MAP7: variants seen among roughly 807,000 people sequenced by gnomAD.
MAP7 encodes the protein microtubule associated protein 7.
A neutral mutation model predicts 94.8 loss-of-function variants in MAP7; 52 were observed. The observed-to-expected ratio is 0.55, with a 90% CI of 0.44 to 0.69. MAP7 has a LOEUF of 0.69. MAP7 is among the 30% of genes least tolerant of loss of function. The pLI, the probability that MAP7 is intolerant of heterozygous loss-of-function variation, is 0.00. For synonymous variants in MAP7, 350 were observed against 357.0 expected (o/e 0.98, Z 0.22); for missense variants, 940 against 964.6 (o/e 0.97, Z 0.34).
At chr6:136,413,349 CCT>C (rs564181620) in intron 2 of MAP7, among the ~76,000 whole-genome samples, 419 of 151,934 alleles carry the variant, frequency 2.8e-3, no homozygotes, top group Non-Finnish European at 5.2e-3. Flanking sequence ...ATGGCAAAAC[CCT>C]GTCTCTACTA....
intron 1 of MAP7, among the ~76,000 whole-genome samples, chr6:136,495,485 T>A (rs1026043452): frequency 6.8e-6 from 1 of 147,816 alleles, no homozygotes; most frequent in Admixed American, 6.9e-5. Flanking sequence ...CACACACACA[T>A]AAACACACAC....
intron 3 of MAP7, among the ~76,000 whole-genome samples, chr6:136,396,991 A>T (rs549105904): frequency 2.6e-5 from 4 of 152,294 alleles, no homozygotes; most frequent in African/African-American, 7.2e-5. Flanking sequence ...TACCCCAAAT[A>T]ATCTTTTAAA....
At chr6:136,386,907 C>A (rs1395295972) in intron 5 of MAP7, among the ~76,000 whole-genome samples, 3 of 152,134 alleles carry the variant, frequency 2.0e-5, no homozygotes, top group Non-Finnish European at 4.4e-5. Flanking sequence ...AATTCCTGGC[C>A]TCAAGTGATC....
At chr6:136,536,501 T>C (rs1412650754) in intron 1 of MAP7, among the ~76,000 whole-genome samples, 1 of 152,180 alleles carries the variant, frequency 6.6e-6, no homozygotes, top group Non-Finnish European at 1.5e-5. Flanking sequence ...CAAATGACCA[T>C]TTTGCCTTTT....
At chr6:136,437,219 A>G (rs1796614092) in intron 1 of MAP7, among the ~76,000 whole-genome samples, 1 of 152,176 alleles carries the variant, frequency 6.6e-6, no homozygotes. Context: ...TCACTCCTTT[A>G]TTTTGTATCC....
chr6:136,434,565 A>AT (rs955430962), intron 1 of MAP7, among the ~76,000 whole-genome samples: 6 of 150,966 alleles, frequency 4.0e-5, no homozygotes, highest in Admixed American at 1.3e-4. Flanking sequence ...TGTTCCTTTT[A>AT]TTTTTTTAAA....
At chr6:136,418,153 C>G (rs2095365257) in intron 2 of MAP7, among the ~76,000 whole-genome samples, 1 of 152,214 alleles carries the variant, frequency 6.6e-6, no homozygotes, top group Non-Finnish European at 1.5e-5. Flanking sequence ...CAGGATAACA[C>G]AGAACATAGT....
intron 17 of MAP7, 64 bp from the exon 18 acceptor site, chr6:136,344,302 A>C (rs1468163845): frequency 3.9e-6 from 3 of 777,156 alleles, no homozygotes; most frequent in Non-Finnish European, 5.6e-6. Context: ...TTATTTCAAG[A>C]ATACCATAGT....
chr6:136,455,683 A>G lies in MAP7; in HGVS notation c.68-33884T>C, dbSNP rs896437145. 2.0e-5 allele frequency among the ~76,000 whole-genome samples: 3 copies of G among 152,202 alleles called. No individual in the cohort carries two copies. In the South Asian group the frequency reaches 6.2e-4, roughly 32 times the overall value. Reference sequence around the variant, plus strand: ...TTCACAAATATGTGGAAATTAAACAATATACTCTTAACCAATGAATGGGTC... The same window carrying G: ...TTCACAAATATGTGGAAATTAAACAGTATACTCTTAACCAATGAATGGGTC... On this transcript the variant is annotated intron_variant, in intron 1 of 17. Coordinates refer to ENST00000354570, the MANE Select transcript of MAP7 (RefSeq NM_003980.6).
Position 136,484,064 on chromosome 6 carries a change from C to T in MAP7, c.68-62265G>A, listed in dbSNP as rs1453136603. On this transcript the variant is annotated intron_variant, in intron 1 of 17. Coordinates refer to ENST00000354570, the MANE Select transcript of MAP7 (RefSeq NM_003980.6). ...GCTGAGCTGGGGGAATTTCTGGGAG[C>T]AATTTCTTGAGACCACGCATCAGTT... 2.0e-5 allele frequency among the ~76,000 whole-genome samples: 3 copies of T among 152,154 alleles called. No individual in the cohort carries two copies. The South Asian group carries it at 6.2e-4, about 31-fold the overall frequency.
chr6:136,482,488 C>A (rs1274134067), intron 1 of MAP7, among the ~76,000 whole-genome samples: 3 of 152,004 alleles, frequency 2.0e-5, no homozygotes, highest in East Asian at 1.9e-4. Flanking sequence ...GTAATCCCAG[C>A]CACTCGGGAG....
intron 1 of MAP7, among the ~76,000 whole-genome samples, chr6:136,517,628 T>C (rs1295764500): frequency 6.6e-6 from 1 of 152,192 alleles, no homozygotes; most frequent in African/African-American, 2.4e-5. Context: ...GCTTAGAAAG[T>C]TTAAATATTA....
At chr6:136,477,284 C>T (rs1811232755) in intron 1 of MAP7, among the ~76,000 whole-genome samples, 1 of 152,156 alleles carries the variant, frequency 6.6e-6, no homozygotes, top group African/African-American at 2.4e-5. Context: ...AAATATCAGG[C>T]AAATCCAAAT....
At chr6:136,512,635 T>C (rs1232393204) in intron 1 of MAP7, among the ~76,000 whole-genome samples, 1 of 152,242 alleles carries the variant, frequency 6.6e-6, no homozygotes, top group Non-Finnish European at 1.5e-5. Context: ...TGTAGTCTAT[T>C]AAGTGTGCAA....
chr6:136,431,658 C>T (rs1450710501), intron 1 of MAP7, among the ~76,000 whole-genome samples: 3 of 152,172 alleles, frequency 2.0e-5, no homozygotes, highest in African/African-American at 7.2e-5. Context: ...GCTGGGACTA[C>T]AGGCGCGTGC....
chr6:136,436,648 G>A (rs185089834), intron 1 of MAP7, among the ~76,000 whole-genome samples: 66 of 152,288 alleles, frequency 4.3e-4, no homozygotes, highest in South Asian at 8.3e-4. Context: ...CCAAAGCACT[G>A]CGATTACAGG....
intron 1 of MAP7, among the ~76,000 whole-genome samples, chr6:136,459,296 T>C (rs1804390549): frequency 6.6e-6 from 1 of 152,086 alleles, no homozygotes; most frequent in Non-Finnish European, 1.5e-5. Flanking sequence ...GGTACCCTTG[T>C]ACACTGTTAC....
chr6:136,428,138 TTAA>T (rs1328829801), intron 1 of MAP7, among the ~76,000 whole-genome samples: 1 of 152,196 alleles, frequency 6.6e-6, no homozygotes, highest in Non-Finnish European at 1.5e-5. Context: ...CAGGTCTTTG[TTAA>T]TAATTTATAT....
rs1004225389 is a variant in MAP7, at chr6:136,508,848, C to T, written c.67+41494G>A. Among the ~76,000 whole-genome samples, 73 of 152,092 alleles carry T rather than the reference C, an allele frequency of 4.8e-4. 1 individual carries two copies. The highest frequency in any genetic ancestry group is 1.6e-3 in the African/African-American group (65 of 41,404). ...ATCTAATCTTGGAAGAAACCAAATC[C>T]GGGATGCTGGGAATGACTACATAGG... On this transcript the variant is annotated intron_variant, in intron 1 of 17. Coordinates refer to ENST00000354570, the MANE Select transcript of MAP7 (RefSeq NM_003980.6).
Sources: allele counts gnomAD v4.1 joint callset (sites outside exome capture counted in the v4.1 genomes callset), GRCh38; gene constraint gnomAD v4.1.1; transcripts MANE v1.5; gene names NCBI Gene and HGNC (gene_info 2026-07-23, HGNC 2026-07-21).